Variants in MKNK1 observed in about 807,000 individuals in gnomAD.
MKNK1 encodes the protein MAPK interacting serine/threonine kinase 1.
MKNK1 carries 30 observed loss-of-function variants against 49.3 expected under a neutral mutation model. The ratio of observed to expected loss-of-function variants is 0.61; its 90% CI spans 0.46 to 0.83. The LOEUF is 0.83. MKNK1 is among the 40% of genes least tolerant of loss of function. The pLI, the probability that MKNK1 is intolerant of heterozygous loss-of-function variation, is 0.00. For synonymous variants in MKNK1, 176 were observed against 201.7 expected (o/e 0.87, Z 1.08); for missense variants, 423 against 524.7 (o/e 0.81, Z 1.89).
chr1:46,581,067 T>C lies in MKNK1; in HGVS notation c.101-440A>G, dbSNP rs575396368. 5.9e-5 allele frequency among the ~76,000 whole-genome samples: 9 copies of C among 151,820 alleles called. No homozygotes were observed. The South Asian group carries it at 1.7e-3, about 28-fold the overall frequency. ...CAAGACCCCATCTCTAAAATATATA[T>C]ACGCATGATCCCTCTCCTCTAAGGG... On this transcript the variant is annotated intron_variant, in intron 3 of 12. Transcript: ENST00000371945.
chr1:46,600,540 A>G (rs1345498403), intron 1 of MKNK1, among the ~76,000 whole-genome samples: 1 of 152,212 alleles, frequency 6.6e-6, no homozygotes, highest in Non-Finnish European at 1.5e-5. Context: ...TCCTTCATCC[A>G]TTCTTCCAAT....
chr1:46,565,195 C>T, intron 8 of MKNK1, 59 bp from the exon 9 acceptor site: 1 of 1,500,240 alleles, frequency 6.7e-7, no homozygotes, highest in Non-Finnish European at 9.3e-7. Flanking sequence ...GCAAGAGGAG[C>T]CAGGCATGGC....
intron 3 of MKNK1, 87 bp from the exon 4 acceptor site, chr1:46,580,714 C>G (rs1429925422): frequency 1.1e-6 from 1 of 892,918 alleles, no homozygotes; most frequent in Non-Finnish European, 1.9e-6. Context: ...CTCAGCTTCC[C>G]TGATCAGACG....
At chr1:46,567,779 T>C (rs1669330980) in intron 8 of MKNK1, among the ~76,000 whole-genome samples, 1 of 152,198 alleles carries the variant, frequency 6.6e-6, no homozygotes, top group South Asian at 2.1e-4. Context: ...ACAGAATTTG[T>C]CAAATTCATA....
At chr1:46,595,446 T>G (rs1282499778) in intron 1 of MKNK1, among the ~76,000 whole-genome samples, 1 of 152,134 alleles carries the variant, frequency 6.6e-6, no homozygotes, top group Non-Finnish European at 1.5e-5. Context: ...ACTTCTCTTC[T>G]TCCCTATCAG....
intron 2 of MKNK1, among the ~76,000 whole-genome samples, chr1:46,592,397 C>T (rs1209254354): frequency 6.6e-6 from 1 of 152,222 alleles, no homozygotes; most frequent in Non-Finnish European, 1.5e-5. Flanking sequence ...TTACAAAAAT[C>T]ATTTTAACTG....
intron 2 of MKNK1, among the ~76,000 whole-genome samples, chr1:46,588,213 G>T (rs1258769618): frequency 6.6e-6 from 1 of 152,042 alleles, no homozygotes; most frequent in Non-Finnish European, 1.5e-5. Context: ...TATGTGATGG[G>T]GTGATTTTTA....
rs1324827596 is a variant in MKNK1 at position 46,561,412 on chromosome 1, C to T, written c.969+66G>A. 5 of 1,512,680 alleles carry T rather than the reference C, an allele frequency of 3.3e-6. No individual in the cohort carries two copies. In the African/African-American group the frequency reaches 7.0e-5, roughly 21 times the overall value. The allele number at this position is 1,512,680 out of a possible 1,614,324, so 93.7% of individuals were successfully genotyped here. A position where few individuals can be genotyped will look rare whatever the true frequency, so the allele number is the denominator to read the frequency against. On this transcript the variant is annotated intron_variant, in intron 11 of 12. Transcript: ENST00000371945. ...TGGTGCTCAGCACTTGCTGGCATGACAGCTTCCTTGTGGCCATGCCACAGG... is the reference window on the plus strand; with the variant it reads ...TGGTGCTCAGCACTTGCTGGCATGATAGCTTCCTTGTGGCCATGCCACAGG...
chr1:46,591,988 C>T (rs911428809), intron 2 of MKNK1, among the ~76,000 whole-genome samples: 4 of 151,892 alleles, frequency 2.6e-5, no homozygotes, highest in South Asian at 4.2e-4. Context: ...GCCTGTAATC[C>T]CAGCACTTTG....
chr1:46,585,118 C>T lies in MKNK1; in HGVS notation c.-2-1789G>A, dbSNP rs529015640. On this transcript the variant is annotated intron_variant, in intron 2 of 12. Coordinates refer to ENST00000371945, the MANE Select transcript of MKNK1 (RefSeq NM_001135553.4). ...TACAAAAATTAGCTGGGTGTGGTGG[C>T]GGGTGCCTGTAGTGCCAGCTACTCG... Among the ~76,000 whole-genome samples, 13 of 151,302 alleles carry T rather than the reference C, an allele frequency of 8.6e-5. 1 individual carries two copies. The highest frequency in any genetic ancestry group is 6.8e-3 in the Middle Eastern group (2 of 292).
chr1:46,577,120 T>A (rs983234750), intron 4 of MKNK1, among the ~76,000 whole-genome samples: 5 of 152,134 alleles, frequency 3.3e-5, no homozygotes, highest in African/African-American at 1.2e-4. Flanking sequence ...GCCTCCACGA[T>A]CCCCCTGGCA....
At chr1:46,578,660 C>T (rs1485501510) in intron 4 of MKNK1, among the ~76,000 whole-genome samples, 2 of 150,436 alleles carry the variant, frequency 1.3e-5, no homozygotes, top group African/African-American at 4.9e-5. Context: ...CATCCTGGCT[C>T]ATTGCAACCT....
rs886478429 is a variant in MKNK1, at chr1:46,565,239, G to A, written c.514-103C>T. Reference sequence around the variant, plus strand: ...TGCATGGCTCCGTGGCTGTCACACCGCAGCTGGTTTTGTCAGGTCATGTTT... The same window carrying A: ...TGCATGGCTCCGTGGCTGTCACACCACAGCTGGTTTTGTCAGGTCATGTTT... On this transcript the variant is annotated intron_variant, in intron 8 of 12. Transcript: ENST00000371945. The A allele has an allele frequency of 3.1e-5, 33 of 1,051,650 alleles. 1 individual carries two copies. The highest frequency in any genetic ancestry group is 3.0e-4 in the South Asian group (23 of 76,758). 65.1% of individuals were successfully genotyped at this position (1,051,650 alleles called of 1,614,324 possible).
intron 6 of MKNK1, among the ~76,000 whole-genome samples, chr1:46,572,900 C>T (rs1479687688): frequency 6.6e-6 from 1 of 152,158 alleles, no homozygotes; most frequent in Non-Finnish European, 1.5e-5. Context: ...AAATGCCACA[C>T]CCTTGCCAGA....
intron 10 of MKNK1, 68 bp downstream of exon 10, chr1:46,562,581 G>A (rs1003022324): frequency 2.0e-6 from 3 of 1,489,848 alleles, no homozygotes; most frequent in African/African-American, 2.8e-5. Flanking sequence ...GCCCAGTCCT[G>A]CTTGGCATCC....
intron 8 of MKNK1, 35 bp from the exon 9 acceptor site, chr1:46,565,171 T>C (rs747294502): frequency 1.3e-6 from 2 of 1,597,288 alleles, no homozygotes; most frequent in Admixed American, 1.7e-5. Flanking sequence ...GTCACAGATA[T>C]AAGAAACTAC....
At chr1:46,571,380 C>T (rs1019006635) in intron 7 of MKNK1, 1 of 273,232 alleles carries the variant, frequency 3.7e-6, no homozygotes, top group African/African-American at 2.4e-5. Context: ...CCCATCTCTA[C>T]AAAAAAATAC....
intron 6 of MKNK1, chr1:46,574,254 A>C (rs1251046606): frequency 6.6e-6 from 1 of 152,238 alleles, no homozygotes; most frequent in Non-Finnish European, 1.5e-5. Context: ...GACTTGCCCA[A>C]GATCACATGG....
chr1:46,579,683 G>C (rs946321), intron 4 of MKNK1, among the ~76,000 whole-genome samples: 12,108 of 152,166 alleles, frequency 0.08, 1,565 homozygotes, highest in African/African-American at 0.27. Flanking sequence ...AAGCGATGCT[G>C]AGGCTGGTCC....
Sources: allele counts gnomAD v4.1 joint callset (sites outside exome capture counted in the v4.1 genomes callset), GRCh38; gene constraint gnomAD v4.1.1; transcripts MANE v1.5; gene names NCBI Gene and HGNC (gene_info 2026-07-23, HGNC 2026-07-21).